The following GRID2 variants were observed in gnomAD, a reference collection of about 807,000 sequenced individuals.
The protein encoded by GRID2 is glutamate receptor ionotropic, delta-2.
GRID2 carries 33 observed loss-of-function variants against 114.8 expected under a neutral mutation model. That is an observed-to-expected ratio of 0.29 (90% CI 0.22 to 0.38). GRID2 has a LOEUF of 0.38. Ranked by LOEUF, GRID2 falls within the 10% of genes least tolerant of loss-of-function variation. The pLI is 1.00. For missense variants in GRID2, 1,184 were observed against 1,257.7 expected (o/e 0.94, Z 0.89); for synonymous variants, 505 against 449.9 (o/e 1.12, Z -1.55).
intron 2 of GRID2, among the ~76,000 whole-genome samples, chr4:92,899,765 G>T (rs1325817292): frequency 6.6e-6 from 1 of 152,110 alleles, no homozygotes; most frequent in Non-Finnish European, 1.5e-5. Context: ...TGAAACAAAG[G>T]ATATCTCTAC....
intron 13 of GRID2, among the ~76,000 whole-genome samples, chr4:93,618,515 C>G (rs1220043081): frequency 3.9e-5 from 6 of 152,318 alleles, no homozygotes; most frequent in African/African-American, 1.4e-4. Context: ...CACACAGAAG[C>G]AGCTAAGGGC....
At chr4:93,103,153 G>A (rs975829201) in intron 3 of GRID2, among the ~76,000 whole-genome samples, 3 of 152,010 alleles carry the variant, frequency 2.0e-5, no homozygotes, top group Non-Finnish European at 2.9e-5. Context: ...AGGACACACA[G>A]GGGTGTAAAA....
intron 4 of GRID2, among the ~76,000 whole-genome samples, chr4:93,157,237 C>G (rs981459450): frequency 6.6e-6 from 1 of 151,484 alleles, no homozygotes; most frequent in South Asian, 2.1e-4. Flanking sequence ...TTGTGAGACT[C>G]GAAACACCCT....
At chr4:92,545,687 ATAT>A (rs1726215543) in intron 1 of GRID2, among the ~76,000 whole-genome samples, 1 of 152,196 alleles carries the variant, frequency 6.6e-6, no homozygotes, top group African/African-American at 2.4e-5. Context: ...TATAGCCAAC[ATAT>A]TATTCTCAAT....
At chr4:92,773,633 ATAGT>A (rs1457886101) in intron 2 of GRID2, among the ~76,000 whole-genome samples, 2 of 152,004 alleles carry the variant, frequency 1.3e-5, no homozygotes, top group African/African-American at 4.8e-5. Flanking sequence ...TATATAAAAA[ATAGT>A]TAATACCATA....
chr4:92,457,337 A>G (rs920959661), intron 1 of GRID2, among the ~76,000 whole-genome samples: 4 of 152,122 alleles, frequency 2.6e-5, no homozygotes, highest in Admixed American at 2.6e-4. Flanking sequence ...TGAATTATTT[A>G]TGTTTATGTG....
intron 14 of GRID2, among the ~76,000 whole-genome samples, chr4:93,663,572 G>A (rs1003563918): frequency 3.3e-5 from 5 of 152,114 alleles, no homozygotes; most frequent in Admixed American, 2.6e-4. Flanking sequence ...GAGTAAGAGG[G>A]TTACTGTAAT....
At chr4:93,099,090 C>T (rs1731480343) in intron 3 of GRID2, among the ~76,000 whole-genome samples, 1 of 146,178 alleles carries the variant, frequency 6.8e-6, no homozygotes. Flanking sequence ...GGTCCTTTTC[C>T]ATTCTTAAAC....
chr4:92,419,089 T>G (rs1644530707), intron 1 of GRID2, among the ~76,000 whole-genome samples: 2 of 152,154 alleles, frequency 1.3e-5, no homozygotes, highest in Admixed American at 1.3e-4. Context: ...TTTTGAATTA[T>G]CCTTCTTGCT....
intron 1 of GRID2, among the ~76,000 whole-genome samples, chr4:92,336,676 G>A (rs1727187061): frequency 6.6e-6 from 1 of 152,114 alleles, no homozygotes; most frequent in African/African-American, 2.4e-5. Flanking sequence ...GGCCTCCATG[G>A]GTCTTAAGAT....
intron 2 of GRID2, among the ~76,000 whole-genome samples, chr4:92,776,206 T>G (rs1233682628): frequency 2.0e-5 from 3 of 152,128 alleles, no homozygotes; most frequent in African/African-American, 7.2e-5. Flanking sequence ...CTTTGTAAAA[T>G]AAATAACTTT....
Position 92,839,099 on chromosome 4 carries a change from G to A in GRID2, c.245-245896G>A, listed in dbSNP as rs186703088. On this transcript the variant is annotated intron_variant, in intron 2 of 15. Coordinates refer to ENST00000282020, the MANE Select transcript of GRID2 (RefSeq NM_001510.4). ...GGCAGTGATTTTATAAGTCTTTCAA[G>A]CGAGCATGTGTAATTTTAGCATTTC... Among the ~76,000 whole-genome samples the A allele has an allele frequency of 4.7e-3, 710 of 152,150 alleles. 10 individuals carry two copies. The highest frequency in any genetic ancestry group is 0.016 in the African/African-American group (673 of 41,546).
intron 2 of GRID2, among the ~76,000 whole-genome samples, chr4:92,732,345 G>A (rs543590803): frequency 1.3e-5 from 2 of 152,094 alleles, no homozygotes; most frequent in South Asian, 4.1e-4. Context: ...TAAAATATAT[G>A]TATTCATTAA....
intron 2 of GRID2, among the ~76,000 whole-genome samples, chr4:92,669,941 G>A (rs1732974569): frequency 6.6e-6 from 1 of 151,992 alleles, no homozygotes; most frequent in African/African-American, 2.4e-5. Context: ...ATTCTGTACT[G>A]TAGGTAATTG....
In GRID2 at chr4:92,553,527, T is replaced by A. The variant is rs187240635; in HGVS notation, c.89-36604T>A. ...ATTTGATTTATAGGTATTTTTATAA[T>A]GTATATATTTTACATAAAATATTTT... is the stretch of plus-strand genomic sequence containing the variant. On this transcript the variant is annotated intron_variant, in intron 1 of 15. Coordinates refer to ENST00000282020, the MANE Select transcript of GRID2 (RefSeq NM_001510.4). 1.5e-3 allele frequency among the ~76,000 whole-genome samples: 231 copies of A among 152,332 alleles called. 1 individual carries two copies. The highest frequency in any genetic ancestry group is 5.4e-3 in the African/African-American group (224 of 41,578).
intron 1 of GRID2, among the ~76,000 whole-genome samples, chr4:92,404,494 A>G (rs1730936680): frequency 6.6e-6 from 1 of 152,214 alleles, no homozygotes; most frequent in Non-Finnish European, 1.5e-5. Context: ...TCAAAGACCT[A>G]GAACCAGAAA....
At chr4:93,437,304 A>T (rs1321847960) in intron 10 of GRID2, among the ~76,000 whole-genome samples, 1 of 152,128 alleles carries the variant, frequency 6.6e-6, no homozygotes, top group African/African-American at 2.4e-5. Flanking sequence ...TCACATAGCC[A>T]AGTTGTAGAG....
At chr4:93,335,677 C>T (rs372180893) in intron 8 of GRID2, among the ~76,000 whole-genome samples, 4 of 124,610 alleles carry the variant, frequency 3.2e-5, no homozygotes, top group African/African-American at 7.8e-5. Context: ...TTTTCTCTCT[C>T]TCTTTCTTTC....
intron 2 of GRID2, among the ~76,000 whole-genome samples, chr4:92,899,950 G>A (rs1747452314): frequency 6.6e-6 from 1 of 152,148 alleles, no homozygotes; most frequent in African/African-American, 2.4e-5. Context: ...GGAGGTGAGG[G>A]AATGGTCAAG....
Sources: allele counts gnomAD v4.1 joint callset (sites outside exome capture counted in the v4.1 genomes callset), GRCh38; gene constraint gnomAD v4.1.1; transcripts MANE v1.5; gene names NCBI Gene and HGNC (gene_info 2026-07-23, HGNC 2026-07-21).